Variants in LCLAT1 observed in about 807,000 individuals in gnomAD.
LCLAT1 encodes the protein lysocardiolipin acyltransferase 1.
In LCLAT1, 11 loss-of-function variants were observed where a neutral mutation model predicts 30.7. That is an observed-to-expected ratio of 0.36 (90% CI 0.23 to 0.59). The LOEUF (loss-of-function observed/expected upper bound fraction) is 0.59. Ranked by LOEUF, LCLAT1 falls within the 20% of genes least tolerant of loss-of-function variation. The pLI, the probability that LCLAT1 is intolerant of heterozygous loss-of-function variation, is 0.77. For missense variants in LCLAT1, 402 were observed against 458.6 expected (o/e 0.88, Z 1.13); for synonymous variants, 155 against 151.3 (o/e 1.02, Z -0.18).
At chr2:30,590,588 G>A (rs1666646531) in intron 5 of LCLAT1, among the ~76,000 whole-genome samples, 1 of 150,108 alleles carries the variant, frequency 6.7e-6, no homozygotes, top group Non-Finnish European at 1.5e-5. Context: ...CTTTTACAGG[G>A]AGGACGGAAA....
chr2:30,546,353 C>A (rs554062712), intron 3 of LCLAT1, among the ~76,000 whole-genome samples: 3 of 152,132 alleles, frequency 2.0e-5, no homozygotes, highest in Non-Finnish European at 4.4e-5. Context: ...TTTTATTTTA[C>A]ATGCTGTTGG....
chr2:30,611,766 G>A (rs1667749615), intron 5 of LCLAT1, among the ~76,000 whole-genome samples: 4 of 152,174 alleles, frequency 2.6e-5, no homozygotes, highest in African/African-American at 9.6e-5. Flanking sequence ...AGTGGTTCAT[G>A]AACCGCTTAG....
At chr2:30,636,961 A>C (rs1197853497) in intron 5 of LCLAT1, among the ~76,000 whole-genome samples, 1 of 152,216 alleles carries the variant, frequency 6.6e-6, no homozygotes, top group Non-Finnish European at 1.5e-5. Flanking sequence ...GGTGATACTG[A>C]TGAAGACCTG....
intron 5 of LCLAT1, among the ~76,000 whole-genome samples, chr2:30,591,883 C>T (rs922459560): frequency 6.6e-6 from 1 of 152,166 alleles, no homozygotes; most frequent in Admixed American, 6.5e-5. Flanking sequence ...TCTTGCCTCA[C>T]GCCTTCTACC....
In LCLAT1 at chr2:30,599,008, G is replaced by GAT. The variant is rs202113107; in HGVS notation, c.628+30833_628+30834insTA. Among the ~76,000 whole-genome samples, 32 of 121,148 alleles carry GAT rather than the reference G, an allele frequency of 2.6e-4. 1 individual carries two copies. The highest frequency in any genetic ancestry group is 1.9e-3 in the Admixed American group (25 of 13,022). 79.5% of individuals were successfully genotyped at this position (121,148 alleles called of 152,430 possible). A position where few individuals can be genotyped will look rare whatever the true frequency, so the allele number is the denominator to read the frequency against. On this transcript the variant is annotated intron_variant, in intron 5 of 5. Transcript: ENST00000379509. ...TTTTCTTTTTTGTTTGAGATAGATA[G>GAT]AGTCTCACTCTGGGTCCAGGCTAGA...
In LCLAT1 at chr2:30,643,877, A is replaced by C. The variant is rs531554206; in HGVS notation, c.*3258A>C. ...GGGAAATGGTCTCTAAACACTGGTC[A>C]CTGTAGCAGGTAAACACTACTCTAA... On this transcript the variant is annotated 3_prime_UTR_variant, in exon 6 of 6. Transcript: ENST00000379509. 6.5e-6 allele frequency: 1 copy of C among 152,738 alleles called. No homozygotes were observed. Among genetic ancestry groups the C allele is most frequent in the African/African-American group, 2.4e-5 (1 of 41,558 alleles). The allele number at this position is 152,738 out of a possible 1,614,324, so 9.5% of individuals were successfully genotyped here. A position where few individuals can be genotyped will look rare whatever the true frequency, so the allele number is the denominator to read the frequency against.
chr2:30,598,266 G>A (rs1371639091), intron 5 of LCLAT1, among the ~76,000 whole-genome samples: 1 of 152,034 alleles, frequency 6.6e-6, no homozygotes, highest in Non-Finnish European at 1.5e-5. Context: ...AAATCTGTCT[G>A]GTCCTGGGCT....
intron 1 of LCLAT1, among the ~76,000 whole-genome samples, chr2:30,510,801 A>G (rs2148357760): frequency 6.6e-6 from 1 of 152,084 alleles, no homozygotes; most frequent in Middle Eastern, 3.4e-3. Flanking sequence ...TTTTTTCTCA[A>G]CTTTATTTTC....
Position 30,480,669 on chromosome 2 carries a change from A to G in LCLAT1, c.-5+33286A>G, listed in dbSNP as rs138550344. Among the ~76,000 whole-genome samples, 44 of 152,202 alleles carry G rather than the reference A, an allele frequency of 2.9e-4. 1 individual carries two copies. In the East Asian group the frequency reaches 8.3e-3, roughly 29 times the overall value. Reference sequence around the variant, plus strand: ...TTGGGAGGCCTAGGCGAGGGGATCAATTGAGGCCTGGAGTTCAAGGCTGCA... The same window carrying G: ...TTGGGAGGCCTAGGCGAGGGGATCAGTTGAGGCCTGGAGTTCAAGGCTGCA... On this transcript the variant is annotated intron_variant, in intron 1 of 5. Coordinates refer to ENST00000379509, the MANE Select transcript of LCLAT1 (RefSeq NM_001002257.3).
chr2:30,512,420 A>T (rs1289371831), intron 1 of LCLAT1, among the ~76,000 whole-genome samples: 1 of 152,040 alleles, frequency 6.6e-6, no homozygotes, highest in African/African-American at 2.4e-5. Flanking sequence ...GCCTCAAGAG[A>T]CCCAGGGGGC....
chr2:30,627,957 T>C (rs1189836682), intron 5 of LCLAT1, among the ~76,000 whole-genome samples: 1 of 152,106 alleles, frequency 6.6e-6, no homozygotes, highest in Non-Finnish European at 1.5e-5. Context: ...ATGAAAGCAA[T>C]AAAACTACCA....
chr2:30,451,376 C>G (rs531917227), intron 1 of LCLAT1, among the ~76,000 whole-genome samples: 1 of 152,076 alleles, frequency 6.6e-6, no homozygotes, highest in Non-Finnish European at 1.5e-5. Flanking sequence ...TACTCCTACC[C>G]GTGATCAAAT....
intron 5 of LCLAT1, among the ~76,000 whole-genome samples, chr2:30,617,324 T>TTA (rs1668040170): frequency 6.6e-6 from 1 of 152,176 alleles, no homozygotes; most frequent in Admixed American, 6.5e-5. Flanking sequence ...GTTAGAATAA[T>TTA]GCTGTTAAGT....
chr2:30,466,700 C>G (rs1682449818), intron 1 of LCLAT1, among the ~76,000 whole-genome samples: 1 of 148,720 alleles, frequency 6.7e-6, no homozygotes, highest in Admixed American at 6.9e-5. Context: ...TATTCCAATT[C>G]TACTTAACAC....
At chr2:30,474,885 C>T (rs559672754) in intron 1 of LCLAT1, among the ~76,000 whole-genome samples, 12 of 152,178 alleles carry the variant, frequency 7.9e-5, no homozygotes, top group Admixed American at 7.9e-4. Flanking sequence ...CTCCTAGGCT[C>T]AAGCAATTCT....
chr2:30,501,688 A>T (rs1684400300), intron 1 of LCLAT1, among the ~76,000 whole-genome samples: 1 of 152,176 alleles, frequency 6.6e-6, no homozygotes, highest in South Asian at 2.1e-4. Flanking sequence ...AAAAGAAAAA[A>T]TAATTGATAC....
At chr2:30,551,047 C>T (rs886768098) in intron 3 of LCLAT1, among the ~76,000 whole-genome samples, 5 of 152,164 alleles carry the variant, frequency 3.3e-5, no homozygotes, top group African/African-American at 1.2e-4. Flanking sequence ...GGTGCGTTCA[C>T]AGCTCACTGC....
Position 30,640,686 on chromosome 2 carries a change from C to T in LCLAT1, c.*67C>T. ...GAAATGTTCTAAACCTTTCTAAGCT[C>T]AGATGCATTTTTGCATGACTATGTC... is the stretch of plus-strand genomic sequence containing the variant. On this transcript the variant is annotated 3_prime_UTR_variant, in exon 6 of 6. Coordinates refer to ENST00000379509, the MANE Select transcript of LCLAT1 (RefSeq NM_001002257.3). 6.7e-7 allele frequency: 1 copy of T among 1,502,822 alleles called. No individual in the cohort carries two copies. 93.1% of individuals were successfully genotyped at this position (1,502,822 alleles called of 1,614,324 possible).
At chr2:30,629,109 A>C (rs1668646222) in intron 5 of LCLAT1, among the ~76,000 whole-genome samples, 2 of 152,238 alleles carry the variant, frequency 1.3e-5, no homozygotes, top group Non-Finnish European at 2.9e-5. Flanking sequence ...AAATAAACTC[A>C]AGAGTGGCTA....
Sources: allele counts gnomAD v4.1 joint callset (sites outside exome capture counted in the v4.1 genomes callset), GRCh38; gene constraint gnomAD v4.1.1; transcripts MANE v1.5; gene names NCBI Gene and HGNC (gene_info 2026-07-23, HGNC 2026-07-21).